The following PRKCH variants were observed in gnomAD, a reference collection of about 807,000 sequenced individuals.
The protein encoded by PRKCH is protein kinase C eta.
A neutral mutation model predicts 82.5 loss-of-function variants in PRKCH; 28 were observed. The observed-to-expected ratio is 0.34, with a 90% confidence interval of 0.25 to 0.47. The LOEUF is 0.47. Among genes scored for constraint, PRKCH ranks in the 20% least tolerant of loss-of-function variants. The pLI, the probability that PRKCH is intolerant of heterozygous loss-of-function variation, is 1.00. For synonymous variants in PRKCH, 322 were observed against 327.4 expected (o/e 0.98, Z 0.18); for missense variants, 705 against 881.8 (o/e 0.80, Z 2.54).
chr14:61,476,140 T>C (rs781235764), intron 9 of PRKCH, among the ~76,000 whole-genome samples: 2 of 152,200 alleles, frequency 1.3e-5, no homozygotes, highest in African/African-American at 4.8e-5. Flanking sequence ...TTCTGTAAAA[T>C]GGTTGGGTGA....
At chr14:61,195,270 C>A (rs529934311) in intron 1 of PRKCH, among the ~76,000 whole-genome samples, 1 of 152,266 alleles carries the variant, frequency 6.6e-6, no homozygotes, top group African/African-American at 2.4e-5. Context: ...GTGGTACTTT[C>A]TGTGCCCAAA....
At chr14:61,309,663 T>C (rs1487938458) in intron 1 of PRKCH, among the ~76,000 whole-genome samples, 3 of 152,146 alleles carry the variant, frequency 2.0e-5, no homozygotes, top group Non-Finnish European at 2.9e-5. Context: ...TCAAATATTG[T>C]CAAATCCCAA....
intron 1 of PRKCH, among the ~76,000 whole-genome samples, chr14:61,359,983 A>G (rs779337760): frequency 1.3e-5 from 2 of 152,236 alleles, no homozygotes; most frequent in Non-Finnish European, 2.9e-5. Context: ...CAGAGCTGTG[A>G]AGTAATTCTT....
At chr14:61,352,563 C>G (rs889837999) in intron 1 of PRKCH, among the ~76,000 whole-genome samples, 5 of 151,552 alleles carry the variant, frequency 3.3e-5, no homozygotes, top group African/African-American at 1.2e-4. Context: ...ACTCGGGAAG[C>G]TGAGACAGGA....
At chr14:61,292,311 C>CAA (rs758667290) in intron 1 of PRKCH, among the ~76,000 whole-genome samples, 55 of 91,888 alleles carry the variant, frequency 6.0e-4, no homozygotes, top group African/African-American at 3.6e-4. Context: ...CCTGTCTCTA[C>CAA]AAAAAAAAAA....
chr14:61,443,360 T>C, intron 3 of PRKCH, 99 bp downstream of exon 3: 1 of 1,247,878 alleles, frequency 8.0e-7, no homozygotes, highest in Non-Finnish European at 1.1e-6. Context: ...TATTTAAGAA[T>C]TCTTTCAGGA....
At chr14:61,241,983 C>T (rs180675748) in intron 1 of PRKCH, among the ~76,000 whole-genome samples, 1 of 152,156 alleles carries the variant, frequency 6.6e-6, no homozygotes, top group African/African-American at 2.4e-5. Context: ...AGCCACCTCC[C>T]CATTACAAAA....
At chr14:61,392,527 C>G (rs1422293213) in intron 2 of PRKCH, among the ~76,000 whole-genome samples, 2 of 152,034 alleles carry the variant, frequency 1.3e-5, no homozygotes, top group Non-Finnish European at 2.9e-5. Flanking sequence ...GCTTATTGGT[C>G]ATTTGTTTGT....
intron 9 of PRKCH, among the ~76,000 whole-genome samples, chr14:61,473,704 T>C (rs559948087): frequency 1.4e-4 from 22 of 152,100 alleles, no homozygotes; most frequent in Non-Finnish European, 2.9e-4. Flanking sequence ...TAATATAAAA[T>C]CTTTCAGGCC....
At chr14:61,283,074 T>A (rs551692682) in intron 1 of PRKCH, among the ~76,000 whole-genome samples, 1 of 152,174 alleles carries the variant, frequency 6.6e-6, no homozygotes, top group East Asian at 1.9e-4. Flanking sequence ...CTCCCTCAGT[T>A]GTCCAGGCTT....
At chr14:61,504,030 G>T (rs929923589) in intron 10 of PRKCH, among the ~76,000 whole-genome samples, 28 of 152,092 alleles carry the variant, frequency 1.8e-4, no homozygotes, top group African/African-American at 5.8e-4. Context: ...TTAAATGGAA[G>T]AATTATTTAA....
At chr14:61,437,934 A>G (rs1453237477) in intron 2 of PRKCH, among the ~76,000 whole-genome samples, 1 of 152,058 alleles carries the variant, frequency 6.6e-6, no homozygotes, top group African/African-American at 2.4e-5. Context: ...TGTCTCTTAA[A>G]AAAAAAAATC....
intron 2 of PRKCH, among the ~76,000 whole-genome samples, chr14:61,424,181 G>GT (rs1882996852): frequency 6.6e-6 from 1 of 152,174 alleles, no homozygotes; most frequent in Non-Finnish European, 1.5e-5. Flanking sequence ...AAATTACCCA[G>GT]TTTCAGTATG....
At chr14:61,464,304 A>G (rs146302487) in intron 9 of PRKCH, among the ~76,000 whole-genome samples, 2 of 151,742 alleles carry the variant, frequency 1.3e-5, no homozygotes, top group African/African-American at 4.8e-5. Flanking sequence ...TAATCTGCAT[A>G]TCCCCAATGA....
rs544365062 is a variant in PRKCH, at chr14:61,297,780, G to A, written c.-19+110112G>A. Reference sequence around the variant, plus strand: ...CTGCTATGTGGCTGGGTTCCTAACCGGCCACAGGACTGTTAACTGTTCGTG... The same window carrying A: ...CTGCTATGTGGCTGGGTTCCTAACCAGCCACAGGACTGTTAACTGTTCGTG... On this transcript the variant is annotated intron_variant, in intron 1 of 3. Coordinates refer to the PRKCH transcript ENST00000555185. Among the ~76,000 whole-genome samples, 10 of 152,252 alleles carry A rather than the reference G, an allele frequency of 6.6e-5. No individual in the cohort carries two copies. The South Asian group carries it at 1.2e-3, about 19-fold the overall frequency.
At chr14:61,327,151 G>A (rs1462188418) in intron 1 of PRKCH, 1 of 455,708 alleles carries the variant, frequency 2.2e-6, no homozygotes, top group Non-Finnish European at 4.4e-6. Flanking sequence ...TGCAGCCCTG[G>A]AGGGCCTCTT....
chr14:61,213,050 T>A (rs1007095878), intron 1 of PRKCH, among the ~76,000 whole-genome samples: 1 of 151,758 alleles, frequency 6.6e-6, no homozygotes, highest in African/African-American at 2.4e-5. Context: ...GAGAGAGGGG[T>A]GGGTAGAGAA....
chr14:61,379,950 C>G (rs1396366582), intron 1 of PRKCH, among the ~76,000 whole-genome samples: 1 of 152,228 alleles, frequency 6.6e-6, no homozygotes, highest in Non-Finnish European at 1.5e-5. Flanking sequence ...TGCACAATTA[C>G]TCTTCTGTGG....
chr14:61,535,216 G>A lies in PRKCH; in HGVS notation c.1761+4621G>A, dbSNP rs116463512. Among the ~76,000 whole-genome samples, 286 of 152,262 alleles carry A rather than the reference G, an allele frequency of 1.9e-3. 3 individuals carry two copies. The highest frequency in any genetic ancestry group is 6.7e-3 in the African/African-American group (277 of 41,528). ...GTTCTGCAATACTCAGGTTCTGTGCGAGGTGCCAGGAATTCAGTGATGAGT... is the reference window on the plus strand; with the variant it reads ...GTTCTGCAATACTCAGGTTCTGTGCAAGGTGCCAGGAATTCAGTGATGAGT... On this transcript the variant is annotated intron_variant, in intron 12 of 13. Transcript: ENST00000332981.
Sources: gnomAD v4.1 joint callset for allele counts (sites outside exome capture counted in the v4.1 genomes callset) on GRCh38, gnomAD v4.1.1 for gene constraint, MANE v1.5 for transcripts, NCBI Gene and HGNC (gene_info 2026-07-23, HGNC 2026-07-21) for gene names.